ULBP2: variants seen among roughly 807,000 people sequenced by gnomAD.
ULBP2 encodes the protein UL16 binding protein 2.
Under a neutral mutation model 23.6 loss-of-function variants are expected in ULBP2, and 21 were observed. That is an observed-to-expected ratio of 0.89 (90% CI 0.63 to 1.28). The LOEUF is 1.28. Ranked by LOEUF, ULBP2 falls within the 50% of genes most tolerant of loss-of-function variation. The pLI is 0.00. For synonymous variants in ULBP2, 82 were observed against 112.8 expected (o/e 0.73, Z 1.73); for missense variants, 251 against 306.0 (o/e 0.82, Z 1.34).
chr6:149,945,736 T>C (rs1582813972), intron 2 of ULBP2, among the ~76,000 whole-genome samples, 164 bp downstream of exon 2: 2 of 151,960 alleles, frequency 1.3e-5, no homozygotes, highest in East Asian at 3.9e-4. Flanking sequence ...AGGTCAGGAA[T>C]TCGAGACCAG....
chr6:149,942,022 T>G lies in ULBP2; in HGVS notation c.-51T>G. 1.3e-6 allele frequency: 2 copies of G among 1,578,942 alleles called. No homozygotes were observed. The highest frequency in any genetic ancestry group is 1.7e-6 in the Non-Finnish European group (2 of 1,160,464). ...TTTAAAACCTTGAGGTGATTCATCT[T>G]CCAGGCTCTCCTTCCATCAAGTCTC... On this transcript the variant is annotated 5_prime_UTR_variant, in exon 1 of 5. Coordinates refer to ENST00000367351, the MANE Select transcript of ULBP2 (RefSeq NM_025217.4).
chr6:149,945,491 C>T lies in ULBP2; in HGVS notation c.268C>T (p.Gln90Ter). The stretch of plus-strand genomic sequence containing the variant: ...AAATGTCACAACGGCCTGGAAAGCA[C>T]AGAACCCAGTACTGAGAGAGGTGGT... ...KLNVTTAWKA[Q>*]NPVLREVVDI... The change falls in exon 2 of 5, where the codon CAG (glutamine) becomes TAG (stop). Residue 90 changes from glutamine to a stop codon, truncating the protein, a stop_gained. Transcript: ENST00000367351. LOFTEE classifies it high-confidence loss of function. The T allele has an allele frequency of 1.2e-6, 2 of 1,614,054 alleles. No individual in the cohort carries two copies. Among genetic ancestry groups the T allele is most frequent in the East Asian group, 2.2e-5 (1 of 44,890 alleles).
In ULBP2 at chr6:149,942,104, T is replaced by C. The variant is rs1474354425; in HGVS notation, c.32T>C (p.Leu11Pro). The C allele has an allele frequency of 1.3e-5, 21 of 1,613,508 alleles. No homozygotes were observed. The highest frequency in any genetic ancestry group is 4.4e-5 in the South Asian group (4 of 91,028). ...GCAGCCGCCGCTACCAAGATCCTTC[T>C]GTGCCTCCCGCTTCTGCTCCTGCTG... MAAAAATKIL[L>P]CLPLLLLLSG... The change falls in exon 1 of 5, where the codon CTG becomes CCG. Residue 11 changes from leucine (L) to proline (P), a missense_variant. This residue lies in a region of ULBP2 where 248 missense variants were observed against 258.9 expected (regional missense o/e 0.96). Coordinates refer to ENST00000367351, the MANE Select transcript of ULBP2 (RefSeq NM_025217.4).
At chr6:149,947,567 C>T in intron 4 of ULBP2, 116 bp downstream of exon 4, 1 of 601,722 alleles carries the variant, frequency 1.7e-6, no homozygotes, top group Non-Finnish European at 3.0e-6. Flanking sequence ...CTCATCCTAA[C>T]ATGAGACAGG....
chr6:149,943,396 T>A (rs970397522), intron 1 of ULBP2, among the ~76,000 whole-genome samples: 1 of 152,144 alleles, frequency 6.6e-6, no homozygotes, highest in Non-Finnish European at 1.5e-5. Flanking sequence ...TCCTTTGTGC[T>A]GAGTGGCATC....
At chr6:149,942,983 C>T (rs188860514) in intron 1 of ULBP2, among the ~76,000 whole-genome samples, 36 of 152,268 alleles carry the variant, frequency 2.4e-4, no homozygotes, top group African/African-American at 7.7e-4. Flanking sequence ...GGGCCCAGAC[C>T]GCCTGTTCTT....
At chr6:149,943,870 G>A (rs566226483) in intron 1 of ULBP2, among the ~76,000 whole-genome samples, 1,704 of 151,694 alleles carry the variant, frequency 0.011, 12 homozygotes, top group African/African-American at 0.016. Flanking sequence ...TACCTCTAGG[G>A]TCTTAGGGGG....
chr6:149,949,169 G>T lies in ULBP2; in HGVS notation c.*469G>T, dbSNP rs1386813799. Reference sequence around the variant, plus strand: ...TTAATAAGAAAAAATTTATATTAATGATTGTTTCCTTTAGTAATTTATTGT... The same window carrying T: ...TTAATAAGAAAAAATTTATATTAATTATTGTTTCCTTTAGTAATTTATTGT... On this transcript the variant is annotated 3_prime_UTR_variant, in exon 5 of 5. Coordinates refer to ENST00000367351, the MANE Select transcript of ULBP2 (RefSeq NM_025217.4). 6.4e-6 allele frequency: 1 copy of T among 155,930 alleles called. No individual in the cohort carries two copies. The highest frequency in any genetic ancestry group is 1.4e-5 in the Non-Finnish European group (1 of 70,624). 9.7% of individuals were successfully genotyped at this position (155,930 alleles called of 1,614,324 possible). A position where few individuals can be genotyped will look rare whatever the true frequency, so the allele number is the denominator to read the frequency against.
intron 1 of ULBP2, among the ~76,000 whole-genome samples, chr6:149,944,943 C>T (rs1475583017): frequency 9.4e-5 from 14 of 148,564 alleles, no homozygotes; most frequent in African/African-American, 1.2e-4. Context: ...TCCCACCTCC[C>T]GCAGTCCACG....
At position 149,946,452 on chromosome 6, in the gene ULBP2, G is replaced by C. The variant is rs147343823; in HGVS notation, c.430G>C (p.Asp144His). ...CAGTGGATCTTGGCAGTTCAGTTTC[G>C]ATGGGCAGATCTTCCTCCTCTTTGA... Reference protein sequence around the residue: ...HSSGSWQFSFDGQIFLLFDSE... With the variant: ...HSSGSWQFSFHGQIFLLFDSE... The change falls in exon 3 of 5, where the codon GAT becomes CAT. Residue 144 changes from aspartate to histidine, a missense_variant. Asp to His is a moderately conservative substitution (Grantham distance 81). Coordinates refer to ENST00000367351, the MANE Select transcript of ULBP2 (RefSeq NM_025217.4). 1 of 1,614,160 alleles carries C rather than the reference G, an allele frequency of 6.2e-7. No individual in the cohort carries two copies.
At chr6:149,945,797 C>T (rs1250516522) in intron 2 of ULBP2, among the ~76,000 whole-genome samples, 1 of 152,126 alleles carries the variant, frequency 6.6e-6, no homozygotes, top group Non-Finnish European at 1.5e-5. Flanking sequence ...AAAAATTAGC[C>T]AGGCATGGTG....
chr6:149,946,111 G>A (rs1211502730), intron 2 of ULBP2, among the ~76,000 whole-genome samples: 12 of 151,690 alleles, frequency 7.9e-5, no homozygotes, highest in African/African-American at 1.2e-4. Context: ...GTATGGTGGC[G>A]GGCGCCTGTA....
intron 4 of ULBP2, among the ~76,000 whole-genome samples, chr6:149,948,469 T>G (rs1778976680): frequency 6.6e-6 from 1 of 152,006 alleles, no homozygotes; most frequent in Non-Finnish European, 1.5e-5. Context: ...CGCGGACCCA[T>G]CACTACCAGC....
At chr6:149,947,548 T>G in intron 4 of ULBP2, 97 bp downstream of exon 4, 1 of 595,162 alleles carries the variant, frequency 1.7e-6, no homozygotes, top group Non-Finnish European at 3.0e-6. Flanking sequence ...TCCCCGTGGC[T>G]GGGACCTTCT....
rs1380842263 is a variant in ULBP2 at position 149,945,388 on chromosome 6, G to C, written c.165G>C (p.Gln55His). The change falls in exon 2 of 5, where the codon CAG becomes CAC. Residue 55 changes from glutamine to histidine, a missense_variant. Gln to His is a conservative substitution (Grantham distance 24). Transcript: ENST00000367351. ...CACGGTGGTGTGCGGTTCAAGGCCAGGTGGATGAAAAGACTTTTCTTCACT... is the reference window on the plus strand; with the variant it reads ...CACGGTGGTGTGCGGTTCAAGGCCACGTGGATGAAAAGACTTTTCTTCACT... ...PGPRWCAVQGQVDEKTFLHYD... is the reference protein window; with the variant it reads ...PGPRWCAVQGHVDEKTFLHYD... 3.7e-6 allele frequency: 6 copies of C among 1,613,198 alleles called. No homozygotes were observed. In the Admixed American group the frequency reaches 1.0e-4, roughly 27 times the overall value.
Position 149,945,480 on chromosome 6 carries a change from C to T in ULBP2, c.257C>T (p.Ala86Val). 6.2e-7 allele frequency: 1 copy of T among 1,614,026 alleles called. No homozygotes were observed. Among genetic ancestry groups the T allele is most frequent in the Non-Finnish European group, 8.5e-7 (1 of 1,179,888 alleles). The stretch of plus-strand genomic sequence containing the variant: ...GGGAAGAAACTAAATGTCACAACGG[C>T]CTGGAAAGCACAGAACCCAGTACTG... ...PLGKKLNVTT[A>V]WKAQNPVLRE... The change falls in exon 2 of 5, where the codon GCC (alanine) becomes GTC (valine). Residue 86 changes from alanine (A) to valine (V), a missense_variant. Transcript: ENST00000367351.
At chr6:149,943,014 A>G (rs1422137856) in intron 1 of ULBP2, among the ~76,000 whole-genome samples, 3 of 152,172 alleles carry the variant, frequency 2.0e-5, no homozygotes, top group Non-Finnish European at 4.4e-5. Context: ...TGTCAGCGTC[A>G]TAGAGAATAG....
chr6:149,948,301 G>A (rs1198412734), intron 4 of ULBP2, among the ~76,000 whole-genome samples: 1 of 152,200 alleles, frequency 6.6e-6, no homozygotes, highest in Non-Finnish European at 1.5e-5. Flanking sequence ...CCCAGTGTGA[G>A]GAGAGGCTCA....
intron 1 of ULBP2, among the ~76,000 whole-genome samples, 195 bp downstream of exon 1, chr6:149,942,352 C>A (rs1297199039): frequency 1.3e-5 from 2 of 151,834 alleles, no homozygotes; most frequent in African/African-American, 2.4e-5. Context: ...CGGGAAGAGG[C>A]GAAAAGGAGC....
Sources: allele counts gnomAD v4.1 joint callset (sites outside exome capture counted in the v4.1 genomes callset), GRCh38; gene constraint gnomAD v4.1.1; regional missense constraint gnomAD v4.1.1; transcripts MANE v1.5; gene names NCBI Gene and HGNC (gene_info 2026-07-23, HGNC 2026-07-21).